DGKQ: variants seen among roughly 807,000 people sequenced by gnomAD.
DGKQ encodes diacylglycerol kinase theta.
A neutral mutation model predicts 104.2 loss-of-function variants in DGKQ; 97 were observed. The ratio of observed to expected loss-of-function variants is 0.93; its 90% CI spans 0.79 to 1.10. The LOEUF (loss-of-function observed/expected upper bound fraction) is 1.10. Ranked by LOEUF, DGKQ falls within the 50% of genes least tolerant of loss-of-function variation. The pLI is 0.00. For missense variants in DGKQ, 1,465 were observed against 1,352.1 expected (o/e 1.08, Z -1.31); for synonymous variants, 736 against 595.2 (o/e 1.24, Z -3.44).
Position 973,552 on chromosome 4 carries a change from G to A in DGKQ, c.-70C>T, listed in dbSNP as rs1381262996. The A allele has an allele frequency of 1.0e-6, 1 of 982,788 alleles. No homozygotes were observed. The highest frequency in any genetic ancestry group is 1.2e-6 in the Non-Finnish European group (1 of 827,760). The allele number at this position is 982,788 out of a possible 1,614,324, so 60.9% of individuals were successfully genotyped here. ...TACAGGAGCCGCCGCTCCACGGCCC[G>A]GTACACTGCTTCCGACTGCGCCTGC... On this transcript the variant is annotated 5_prime_UTR_variant, in exon 1 of 23. Transcript: ENST00000273814.
chr4:960,920 C>T, intron 22 of DGKQ, 129 bp downstream of exon 22: 1 of 1,503,370 alleles, frequency 6.7e-7, no homozygotes, highest in Non-Finnish European at 8.9e-7. Flanking sequence ...CTGAAGCAGG[C>T]ACCCTCCCGG....
chr4:962,815 C>A lies in DGKQ; in HGVS notation c.1992G>T (p.Leu664=). Residue 664 remains leucine (L), a synonymous_variant, in exon 17 of 23, where the codon CTG becomes CTT. Transcript: ENST00000273814. ...TGGCCACAGAAGGCTCCGGGCAGGC[C>A]AGTCGGTACCGTGTCTCCTCCAGGG... ...LGALEETRYR[L]ACPEPSVAIL... is the part of the protein sequence containing the mutation. The A allele has an allele frequency of 6.2e-7, 1 of 1,606,304 alleles. No individual in the cohort carries two copies. The highest frequency in any genetic ancestry group is 1.1e-5 in the South Asian group (1 of 89,802).
chr4:963,462 C>T (rs1712046399), intron 15 of DGKQ, among the ~76,000 whole-genome samples, 172 bp from the exon 16 acceptor site: 2 of 152,212 alleles, frequency 1.3e-5, no homozygotes, highest in Admixed American at 6.5e-5. Context: ...ACATGAGCTG[C>T]GTGGTCACCC....
In DGKQ at chr4:961,690, G is replaced by A. The variant is rs375481482; in HGVS notation, c.2460C>T (p.Pro820=). 7 of 1,612,380 alleles carry A rather than the reference G, an allele frequency of 4.3e-6. No individual in the cohort carries two copies. The highest frequency in any genetic ancestry group is 5.9e-6 in the Non-Finnish European group (7 of 1,179,914). ...TGGGGAGCCCCGCCCGCGAGCACCT[G>A]GGGATGTTGATGAAGATGAGGCCTT... ...SIEGLIFINI[P]SWGSGADLWG... is the part of the protein sequence containing the mutation. The change falls in exon 20 of 23, where the codon CCC becomes CCT. Residue 820 remains proline, a splice_region_variant and synonymous_variant. Transcript: ENST00000273814.
In DGKQ at chr4:967,717, C is replaced by T. The variant is rs1229350366; in HGVS notation, c.886+11G>A. ...CTCAGTGGAGTTGGGGGGAATGAGG[C>T]GGGCACTTACCGGACTCCGGAGTTG... On this transcript the variant is annotated intron_variant, in intron 7 of 22. Coordinates refer to ENST00000273814, the MANE Select transcript of DGKQ (RefSeq NM_001347.4). 6 of 1,611,598 alleles carry T rather than the reference C, an allele frequency of 3.7e-6. No individual in the cohort carries two copies. Among genetic ancestry groups the T allele is most frequent in the Non-Finnish European group, 5.1e-6 (6 of 1,179,368 alleles).
Position 965,439 on chromosome 4 carries a change from C to T in DGKQ, c.1618+52G>A. The stretch of plus-strand genomic sequence containing the variant: ...TGAGGGCCAGGGCTGTCCCACTTCA[C>T]CCCAGGAACACCCCTGGGCCTCATG... On this transcript the variant is annotated intron_variant, in intron 14 of 22. Transcript: ENST00000273814. 3.8e-6 allele frequency: 6 copies of T among 1,581,286 alleles called. No homozygotes were observed. The South Asian group carries it at 5.7e-5, about 15-fold the overall frequency.
intron 12 of DGKQ, 26 bp from the exon 13 acceptor site, chr4:966,104 G>A: frequency 1.3e-6 from 2 of 1,575,484 alleles, no homozygotes; most frequent in South Asian, 1.2e-5. Context: ...CGGGGATGCT[G>A]GGCCGGGGAG....
chr4:966,356 C>T (rs1320068576), intron 12 of DGKQ, 110 bp downstream of exon 12: 28 of 1,260,232 alleles, frequency 2.2e-5, no homozygotes, highest in East Asian at 4.7e-5. Flanking sequence ...CCAGGACAGC[C>T]GCTGCCTAGC....
intron 13 of DGKQ, 67 bp downstream of exon 13, chr4:965,861 A>T (rs1232271181): frequency 6.8e-7 from 1 of 1,476,348 alleles, no homozygotes; most frequent in African/African-American, 1.4e-5. Context: ...TCAGCACTGC[A>T]GCCCCACTGC....
In DGKQ at chr4:973,530, A is replaced by G. The variant is rs1279299668; in HGVS notation, c.-48T>C. The G allele has an allele frequency of 1.6e-5, 16 of 982,668 alleles. No individual in the cohort carries two copies. The highest frequency in any genetic ancestry group is 6.2e-5 in the Admixed American group (1 of 16,158). The allele number at this position is 982,668 out of a possible 1,614,324, so 60.9% of individuals were successfully genotyped here. A position where few individuals can be genotyped will look rare whatever the true frequency, so the allele number is the denominator to read the frequency against. ...CCCTTTAGGTCCGCGCCGGGGGTAC[A>G]GGAGCCGCCGCTCCACGGCCCGGTA... On this transcript the variant is annotated 5_prime_UTR_variant, in exon 1 of 23. Transcript: ENST00000273814.
Position 971,621 on chromosome 4 carries a change from C to T in DGKQ, c.272-549G>A, listed in dbSNP as rs1374604525. Among the ~76,000 whole-genome samples the T allele has an allele frequency of 6.6e-6, 1 of 152,154 alleles. No individual in the cohort carries two copies. Among genetic ancestry groups the T allele is most frequent in the African/African-American group, 2.4e-5 (1 of 41,436 alleles). On this transcript the variant is annotated intron_variant, in intron 1 of 22. Coordinates refer to ENST00000273814, the MANE Select transcript of DGKQ (RefSeq NM_001347.4). The surrounding 1 kb of genome is among the most constrained non-coding windows in gnomAD (Gnocchi z 4.0). ...CCCCAAGCCTCCCAAGGAGCTCTGG[C>T]TGTGTGCATAGGACCCAGGGAGCAC...
rs1711850697 is a variant in DGKQ, at chr4:961,129, T to C, written c.2647A>G (p.Lys883Glu). 3 of 1,608,440 alleles carry C rather than the reference T, an allele frequency of 1.9e-6. No individual in the cohort carries two copies. Among genetic ancestry groups the C allele is most frequent in the East Asian group, 2.2e-5 (1 of 44,682 alleles). ...QGSYFRVTLL[K>E]ATPVQVDGEP... ...CCGTCCACCTGCACCGGGGTGGCCT[T>C]GAGGAGCGTGACTCGGAAGTAGGAA... is the stretch of plus-strand genomic sequence containing the variant. The change falls in exon 22 of 23, where the codon AAG becomes GAG. Residue 883 changes from lysine (K) to glutamate (E), a missense_variant. Coordinates refer to ENST00000273814, the MANE Select transcript of DGKQ (RefSeq NM_001347.4).
At chr4:965,720 G>A (rs1255029547) in intron 13 of DGKQ, among the ~76,000 whole-genome samples, 191 bp from the exon 14 acceptor site, 1 of 152,202 alleles carries the variant, frequency 6.6e-6, no homozygotes, top group African/African-American at 2.4e-5. Context: ...AGAGGGAGAG[G>A]GAGAGGCAGA....
chr4:973,139 C>A (rs1277241233), intron 1 of DGKQ, 73 bp downstream of exon 1: 16 of 1,383,402 alleles, frequency 1.2e-5, no homozygotes, highest in African/African-American at 1.5e-5. Context: ...GCCGGTGCCA[C>A]CTCCGCTCAG....
At chr4:962,319 G>A (rs774331967) in intron 18 of DGKQ, 116 bp downstream of exon 18, 17 of 1,099,830 alleles carry the variant, frequency 1.5e-5, no homozygotes, top group African/African-American at 1.3e-4. Context: ...TTTGCAGAGG[G>A]GATGATGCGG....
intron 17 of DGKQ, 34 bp from the exon 18 acceptor site, chr4:962,647 C>T (rs751790683): frequency 1.7e-5 from 27 of 1,597,360 alleles, no homozygotes; most frequent in Non-Finnish European, 1.9e-5. Flanking sequence ...CATCTGTCCA[C>T]ACCCACCCGC....
chr4:961,545 G>A lies in DGKQ; in HGVS notation c.2496C>T (p.Asp832=). Residue 832 remains aspartate (D), a synonymous_variant, in exon 21 of 23, where the codon GAC becomes GAT. Transcript: ENST00000273814. ...GTGGCTTCTCAAACCTGGTGTCGCT[G>A]TCGGAGCCCCACAGGTCGGCCCCCG... The part of the protein sequence containing the change: ...WGSGADLWGS[D]SDTRFEKPRM... The A allele has an allele frequency of 6.2e-7, 1 of 1,609,260 alleles. No homozygotes were observed. The highest frequency in any genetic ancestry group is 1.3e-5 in the African/African-American group (1 of 74,940).
Position 971,009 on chromosome 4 carries a change from G to T in DGKQ, c.335C>A (p.Ala112Glu). 1 of 1,552,686 alleles carries T rather than the reference G, an allele frequency of 6.4e-7. No homozygotes were observed. ...KHVRIPCTSV[A>E]PSLVRVPVAH... ...CACACTCACCCGGACCAGGCTGGGT[G>T]CCACACTCGTGCACGGGATCCTCAC... The change falls in exon 2 of 23, where the codon GCA becomes GAA. Residue 112 changes from alanine to glutamate, a missense_variant. Coordinates refer to ENST00000273814, the MANE Select transcript of DGKQ (RefSeq NM_001347.4). The surrounding 1 kb of genome is among the most constrained non-coding windows in gnomAD (Gnocchi z 4.0).
intron 2 of DGKQ, among the ~76,000 whole-genome samples, chr4:970,583 C>T (rs1035085842): frequency 6.6e-6 from 1 of 152,184 alleles, no homozygotes; most frequent in Non-Finnish European, 1.5e-5. Context: ...GAACAGACCC[C>T]CTGAAGCCTT....
Sources: allele counts gnomAD v4.1 joint callset (sites outside exome capture counted in the v4.1 genomes callset), GRCh38; gene constraint gnomAD v4.1.1; non-coding constraint Gnocchi (gnomAD v3.1); transcripts MANE v1.5; gene names NCBI Gene and HGNC (gene_info 2026-07-23, HGNC 2026-07-21).